The following KCNN2 variants were observed in gnomAD, a reference collection of about 807,000 sequenced individuals.
KCNN2 encodes small conductance calcium-activated potassium channel protein 2.
A neutral mutation model predicts 55.5 loss-of-function variants in KCNN2; 24 were observed. The observed-to-expected ratio is 0.43, with a 90% CI of 0.31 to 0.61. The LOEUF (loss-of-function observed/expected upper bound fraction) is 0.61. Among genes scored for constraint, KCNN2 ranks in the 20% least tolerant of loss-of-function variants. KCNN2 has a pLI of 0.08. For synonymous variants in KCNN2, 431 were observed against 336.1 expected, an observed-to-expected ratio of 1.28 and a Z score of -3.09; for missense variants, 754 against 853.6, an observed-to-expected ratio of 0.88 and a Z score of 1.45.
At chr5:114,385,519 G>GCGCACACACACACACACA (rs1458678711) in intron 2 of KCNN2, among the ~76,000 whole-genome samples, 2 of 143,454 alleles carry the variant, frequency 1.4e-5, no homozygotes, top group African/African-American at 5.3e-5. Context: ...ACACATGCGC[G>GCGCACACACACACACACA]CACACACACA....
intron 1 of KCNN2, among the ~76,000 whole-genome samples, chr5:114,058,241 G>GGT (rs143709848): frequency 6.6e-4 from 99 of 150,790 alleles, no homozygotes; most frequent in East Asian, 1.2e-3. Context: ...ACTAGGTAGG[G>GGT]GTGTGTGTGT....
intron 6 of KCNN2, among the ~76,000 whole-genome samples, chr5:114,491,358 T>C (rs957502799): frequency 1.3e-5 from 2 of 152,116 alleles, no homozygotes; most frequent in African/African-American, 4.8e-5. Flanking sequence ...AATTCCTTTA[T>C]ACAAATGTTA....
chr5:114,217,766 A>G (rs1754036566), intron 1 of KCNN2, among the ~76,000 whole-genome samples: 1 of 152,174 alleles, frequency 6.6e-6, no homozygotes, highest in Non-Finnish European at 1.5e-5. Flanking sequence ...CTTCATTAAA[A>G]TTAAAAATTT....
intron 1 of KCNN2, among the ~76,000 whole-genome samples, chr5:114,143,175 G>T (rs150525812): frequency 6.6e-6 from 1 of 152,058 alleles, no homozygotes; most frequent in African/African-American, 2.4e-5. Context: ...GAAATTTAGG[G>T]TCATTTGATT....
chr5:114,356,263 T>C (rs2150041979), intron 2 of KCNN2, among the ~76,000 whole-genome samples: 1 of 152,240 alleles, frequency 6.6e-6, no homozygotes, highest in Middle Eastern at 3.4e-3. Context: ...ATAAAACCTT[T>C]TCCTGCCTTC....
intron 1 of KCNN2, among the ~76,000 whole-genome samples, chr5:114,116,408 G>A (rs1039029412): frequency 1.8e-4 from 28 of 152,134 alleles, no homozygotes; most frequent in Admixed American, 1.6e-3. Context: ...TTAAATGTAA[G>A]TGATAAGTAC....
chr5:114,128,983 A>ATAG (rs1277740015), intron 1 of KCNN2, among the ~76,000 whole-genome samples: 2 of 152,194 alleles, frequency 1.3e-5, no homozygotes, highest in African/African-American at 4.8e-5. Flanking sequence ...TTGAAAACAG[A>ATAG]TAGTACATTC....
At chr5:114,152,149 C>T (rs1200110448) in intron 1 of KCNN2, among the ~76,000 whole-genome samples, 1 of 151,972 alleles carries the variant, frequency 6.6e-6, no homozygotes, top group African/African-American at 2.4e-5. Flanking sequence ...CATTATAGTT[C>T]CAATTACCAT....
At chr5:114,070,110 C>A (rs1042068087) in intron 1 of KCNN2, among the ~76,000 whole-genome samples, 1 of 152,194 alleles carries the variant, frequency 6.6e-6, no homozygotes, top group Non-Finnish European at 1.5e-5. Context: ...TTTATCTTAA[C>A]AGTGTGCACG....
At chr5:114,311,441 C>T (rs1378997653) in intron 2 of KCNN2, among the ~76,000 whole-genome samples, 2 of 152,116 alleles carry the variant, frequency 1.3e-5, no homozygotes, top group African/African-American at 4.8e-5. Context: ...CTGCATTTGG[C>T]GACTTCCCCT....
At chr5:114,388,123 C>T (rs1000443500) in intron 2 of KCNN2, among the ~76,000 whole-genome samples, 1 of 152,114 alleles carries the variant, frequency 6.6e-6, no homozygotes, top group East Asian at 1.9e-4. Context: ...CTTTTTTGTA[C>T]TCAACATAAT....
chr5:114,211,660 C>T (rs921506816), intron 1 of KCNN2, among the ~76,000 whole-genome samples: 2 of 151,934 alleles, frequency 1.3e-5, no homozygotes, highest in African/African-American at 2.4e-5. Context: ...ACCGATGGCA[C>T]GAGTTTACCT....
chr5:114,256,096 A>G (rs1383710831), intron 2 of KCNN2, among the ~76,000 whole-genome samples: 1 of 152,106 alleles, frequency 6.6e-6, no homozygotes, highest in Non-Finnish European at 1.5e-5. Context: ...TGGAATGTGC[A>G]GTATTTGGCT....
At chr5:114,073,941 A>G (rs1422112407) in intron 1 of KCNN2, among the ~76,000 whole-genome samples, 3 of 152,198 alleles carry the variant, frequency 2.0e-5, no homozygotes, top group African/African-American at 7.2e-5. Flanking sequence ...GTACACAGTG[A>G]CATAGGGTTT....
chr5:114,290,139 C>G (rs1236291488), intron 2 of KCNN2, among the ~76,000 whole-genome samples: 1 of 152,026 alleles, frequency 6.6e-6, no homozygotes. Flanking sequence ...AGAATATGTT[C>G]CCTCTTATTC....
intron 1 of KCNN2, among the ~76,000 whole-genome samples, chr5:114,170,860 A>G (rs1415216198): frequency 6.6e-6 from 1 of 151,966 alleles, no homozygotes; most frequent in South Asian, 2.1e-4. Flanking sequence ...GGACTACATC[A>G]TTGTTCCCTT....
At chr5:114,097,175 A>G (rs1751274746) in intron 1 of KCNN2, among the ~76,000 whole-genome samples, 1 of 152,188 alleles carries the variant, frequency 6.6e-6, no homozygotes, top group African/African-American at 2.4e-5. Flanking sequence ...TTTTTATGAA[A>G]GTTCTTTTTC....
intron 2 of KCNN2, among the ~76,000 whole-genome samples, chr5:114,336,847 G>A (rs1401342375): frequency 6.6e-6 from 1 of 152,040 alleles, no homozygotes; most frequent in Non-Finnish European, 1.5e-5. Flanking sequence ...AGTTTTTAAG[G>A]GGCTCGCATA....
rs139699353 is a variant in KCNN2 at position 114,113,918 on chromosome 5, C to G, written c.-271+57418C>G. Among the ~76,000 whole-genome samples, 47 of 152,144 alleles carry G rather than the reference C, an allele frequency of 3.1e-4. No homozygotes were observed. The East Asian group carries it at 7.7e-3, about 25-fold the overall frequency. ...GCTTCTGTGAAATCTCAGTTTCCTT[C>G]AGTTCAAAGTAATCCTTATGTCAAA... On this transcript the variant is annotated intron_variant, in intron 1 of 10. Transcript: ENST00000512097.
Sources: gnomAD v4.1 joint callset for allele counts (sites outside exome capture counted in the v4.1 genomes callset) on GRCh38, gnomAD v4.1.1 for gene constraint, MANE v1.5 for transcripts, NCBI Gene and HGNC (gene_info 2026-07-23, HGNC 2026-07-21) for gene names.